ATG2B: variants seen among roughly 807,000 people sequenced by gnomAD.
ATG2B encodes autophagy-related protein 2 homolog B.
Under a neutral mutation model 241.3 loss-of-function variants are expected in ATG2B, and 121 were observed. The observed-to-expected ratio is 0.50, with a 90% CI of 0.43 to 0.58. The LOEUF is 0.58. Among genes scored for constraint, ATG2B ranks in the 20% least tolerant of loss-of-function variants. The pLI is 0.00. For missense variants in ATG2B, 2,306 were observed against 2,491.6 expected (o/e 0.93, Z 1.59); for synonymous variants, 858 against 876.6 (o/e 0.98, Z 0.37).
chr14:96,346,976 C>T (rs1255756069), intron 2 of ATG2B, among the ~76,000 whole-genome samples: 2 of 152,146 alleles, frequency 1.3e-5, no homozygotes, highest in African/African-American at 4.8e-5. Flanking sequence ...AATCTGTATA[C>T]TAAAGTTTCT....
At chr14:96,323,041 T>C (rs1026708170) in intron 16 of ATG2B, among the ~76,000 whole-genome samples, 24 of 152,328 alleles carry the variant, frequency 1.6e-4, no homozygotes, top group Middle Eastern at 3.4e-3. Context: ...ATTCTAGTTA[T>C]CATTAAACCA....
At chr14:96,297,860 T>C (rs1886690312) in intron 34 of ATG2B, among the ~76,000 whole-genome samples, 1 of 152,142 alleles carries the variant, frequency 6.6e-6, no homozygotes, top group South Asian at 2.1e-4. Flanking sequence ...AGCATGATCA[T>C]GGCTCACTGC....
chr14:96,342,621 C>T (rs887693213), intron 5 of ATG2B, among the ~76,000 whole-genome samples: 1 of 150,870 alleles, frequency 6.6e-6, no homozygotes, highest in Admixed American at 6.6e-5. Flanking sequence ...ACTCAGGAGG[C>T]TGAGGCAGGA....
intron 1 of ATG2B, 138 bp downstream of exon 1, chr14:96,362,677 T>A: frequency 1.2e-6 from 1 of 845,494 alleles, no homozygotes; most frequent in Non-Finnish European, 1.8e-6. Flanking sequence ...CTCTAACACA[T>A]TTCTCTGAGC....
chr14:96,308,052 C>G (rs973571991), intron 29 of ATG2B, among the ~76,000 whole-genome samples: 26 of 150,368 alleles, frequency 1.7e-4, no homozygotes, highest in African/African-American at 5.9e-4. Flanking sequence ...TTACAGGTAC[C>G]CAGGGCCTAG....
rs764260045 is a variant in ATG2B at position 96,295,576 on chromosome 14, G to C, written c.5140-16C>G. 1.3e-6 allele frequency: 2 copies of C among 1,537,216 alleles called. No homozygotes were observed. The highest frequency in any genetic ancestry group is 2.4e-5 in the South Asian group (2 of 83,932). ...ACAAAGCATCCTAAAATTAAGAGAT[G>C]TAATTTTAACTAAGGAAGAAAAGAA... On this transcript the variant is annotated splice_polypyrimidine_tract_variant and intron_variant, in intron 34 of 41. Transcript: ENST00000359933.
intron 6 of ATG2B, among the ~76,000 whole-genome samples, chr14:96,335,796 T>A (rs1887854889): frequency 6.6e-6 from 1 of 152,190 alleles, no homozygotes. Context: ...GTTTTATAAT[T>A]TCACAATTGT....
intron 15 of ATG2B, among the ~76,000 whole-genome samples, chr14:96,324,389 A>G (rs1247859317): frequency 1.3e-5 from 2 of 152,192 alleles, no homozygotes; most frequent in African/African-American, 4.8e-5. Flanking sequence ...CCTCTGTTCA[A>G]AATAATTCTA....
At chr14:96,293,979 T>G (rs1231137399) in intron 36 of ATG2B, among the ~76,000 whole-genome samples, 1 of 152,178 alleles carries the variant, frequency 6.6e-6, no homozygotes. Context: ...TTTGTAAAAA[T>G]AAAAGGATCA....
intron 36 of ATG2B, chr14:96,292,995 T>C (rs1249418777): frequency 6.6e-6 from 1 of 152,236 alleles, no homozygotes; most frequent in Non-Finnish European, 1.5e-5. Flanking sequence ...TTTTAATTTG[T>C]ATTATTTTTA....
rs1887101254 is a variant in ATG2B, at chr14:96,309,851, T to C, written c.4162-257A>G. 2.0e-5 allele frequency among the ~76,000 whole-genome samples: 3 copies of C among 152,230 alleles called. No individual in the cohort carries two copies. The South Asian group carries it at 6.2e-4, about 32-fold the overall frequency. On this transcript the variant is annotated intron_variant, in intron 28 of 41. Coordinates refer to ENST00000359933, the MANE Select transcript of ATG2B (RefSeq NM_018036.7). ...ACTGGGATCTTGAAGAGGCAATGCA[T>C]TTGAAAACAGGGAAGTTGAACAAAC... is the stretch of plus-strand genomic sequence containing the variant.
At chr14:96,355,978 G>C (rs545613145) in intron 1 of ATG2B, among the ~76,000 whole-genome samples, 5 of 152,072 alleles carry the variant, frequency 3.3e-5, no homozygotes, top group African/African-American at 1.2e-4. Context: ...AGACCATCCT[G>C]GCTAACATGG....
At position 96,316,627 on chromosome 14, in the gene ATG2B, A is replaced by G. The variant is rs1406564550; in HGVS notation, c.3267T>C (p.Asn1089=). 3 of 1,612,950 alleles carry G rather than the reference A, an allele frequency of 1.9e-6. No individual in the cohort carries two copies. The African/African-American group carries it at 4.0e-5, about 22-fold the overall frequency. Residue 1089 remains asparagine, a synonymous_variant, in exon 21 of 42, where the codon AAT becomes AAC. Transcript: ENST00000359933. ...NKHGEFWLEF[N]SGSLFCVTKY... ...TTGTCACACAAAATAATGAACCACTATTGAACTCTAACCAGAATTCACCAT... is the reference window on the plus strand; with the variant it reads ...TTGTCACACAAAATAATGAACCACTGTTGAACTCTAACCAGAATTCACCAT...
intron 23 of ATG2B, among the ~76,000 whole-genome samples, chr14:96,313,697 T>C (rs1887227286): frequency 6.6e-6 from 1 of 152,164 alleles, no homozygotes; most frequent in Non-Finnish European, 1.5e-5. Context: ...AGACATGTTA[T>C]TCACCTTATA....
chr14:96,310,755 C>G (rs372854869), intron 28 of ATG2B, among the ~76,000 whole-genome samples: 3 of 152,072 alleles, frequency 2.0e-5, no homozygotes, highest in African/African-American at 7.2e-5. Context: ...CTTCTGGTAA[C>G]AATACTAACA....
intron 4 of ATG2B, 120 bp from the exon 5 acceptor site, chr14:96,343,401 TATA>T (rs756442046): frequency 1.1e-3 from 338 of 302,188 alleles, no homozygotes; most frequent in East Asian, 1.9e-3. Flanking sequence ...AAACTTAAAG[TATA>T]ATAATAATAA....
At position 96,285,807 on chromosome 14, in the gene ATG2B, C is replaced by T. The variant is rs1312932305; in HGVS notation, c.6185G>A (p.Arg2062Lys). ...NVLGGMRNQI[R>K]PDVRQDESQK... ...TGACTCGTCTTGCCGGACATCTGGC[C>T]TAATTTGGTTTCTCATGCCACCCAG... is the stretch of plus-strand genomic sequence containing the variant. The change falls in exon 42 of 42, where the codon AGG becomes AAG. Residue 2062 changes from arginine to lysine, a missense_variant. By Grantham distance (26) the Arg-to-Lys change is conservative. Coordinates refer to ENST00000359933, the MANE Select transcript of ATG2B (RefSeq NM_018036.7). This position sits in a 1 kb window ranked among gnomAD's most constrained non-coding sequence, Gnocchi z 4.2. 1.2e-6 allele frequency: 2 copies of T among 1,614,112 alleles called. No homozygotes were observed. The highest frequency in any genetic ancestry group is 1.7e-6 in the Non-Finnish European group (2 of 1,180,030).
intron 41 of ATG2B, among the ~76,000 whole-genome samples, chr14:96,286,622 G>T (rs1032196528): frequency 2.6e-5 from 4 of 152,054 alleles, no homozygotes; most frequent in Non-Finnish European, 4.4e-5. Context: ...CATTTATTCA[G>T]TCTCTATGCT....
intron 1 of ATG2B, among the ~76,000 whole-genome samples, chr14:96,350,684 G>A (rs1196528161): frequency 1.3e-5 from 2 of 152,200 alleles, no homozygotes; most frequent in East Asian, 3.8e-4. Context: ...TTCTTTGTCT[G>A]TACCCTAGTG....
Sources: allele counts gnomAD v4.1 joint callset (sites outside exome capture counted in the v4.1 genomes callset), GRCh38; gene constraint gnomAD v4.1.1; non-coding constraint Gnocchi (gnomAD v3.1); transcripts MANE v1.5; gene names NCBI Gene and HGNC (gene_info 2026-07-23, HGNC 2026-07-21).